Variants in TTN observed in about 807,000 individuals in gnomAD.
TTN encodes connectin.
A neutral mutation model predicts 3,223.0 loss-of-function variants in TTN; 1,525 were observed. The ratio of observed to expected loss-of-function variants is 0.47; its 90% CI spans 0.45 to 0.49. TTN has a LOEUF of 0.49. Among genes scored for constraint, TTN ranks in the 20% least tolerant of loss-of-function variants. The pLI is 0.00. For synonymous variants in TTN, 14,094 were observed against 15,161.0 expected (o/e 0.93, Z 5.17); for missense variants, 40,786 against 43,424.0 (o/e 0.94, Z 5.40).
chr2:178,527,869 T>C, intron 361 of TTN, 121 bp from the exon 362 acceptor site: 1 of 952,970 alleles, frequency 1.0e-6, no homozygotes, highest in Non-Finnish European at 1.5e-6. Flanking sequence ...CCAAACAATT[T>C]GCTGTTGAAG....
rs2083953228 is a variant in TTN at position 178,747,339 on chromosome 2, C to T, written c.11312-5418G>A. ...GAATATCTTTCAACTGTCTCACCTC[C>T]TGAATGTATTGAGGATTGTTTAGTT... On this transcript the variant is annotated intron_variant, in intron 47 of 362. Transcript: ENST00000589042. 2.5e-6 allele frequency: 4 copies of T among 1,613,180 alleles called. No homozygotes were observed. In the African/African-American group the frequency reaches 5.3e-5, roughly 22 times the overall value.
At position 178,564,193 on chromosome 2, in the gene TTN, T is replaced by A; in HGVS notation, c.81939A>T (p.Gly27313=). The A allele has an allele frequency of 1.2e-6, 2 of 1,613,736 alleles. No individual in the cohort carries two copies. The highest frequency in any genetic ancestry group is 1.7e-6 in the Non-Finnish European group (2 of 1,179,770). ...PIPDVVWSKD[G]KELEETAARM... ...TAGCAGCTGTTTCTTCAAGTTCTTT[T>A]CCATCTTTTGACCAAACAACATCAG... Residue 27313 remains glycine, a synonymous_variant, in exon 326 of 363, where the codon GGA becomes GGT. Coordinates refer to ENST00000589042, the MANE Select transcript of TTN (RefSeq NM_001267550.2).
Position 178,565,360 on chromosome 2 carries a change from T to C in TTN, c.80772A>G (p.Thr26924=). The C allele has an allele frequency of 6.2e-7, 1 of 1,613,636 alleles. No individual in the cohort carries two copies. The highest frequency in any genetic ancestry group is 8.5e-7 in the Non-Finnish European group (1 of 1,179,662). ...VKDGEPLKQT[T]RVNVEETATS... ...TAGCTGTTTCTTCAACGTTTACTCT[T>C]GTTGTCTGTTTAAGAGGCTCACCAT... The change falls in exon 326 of 363, where the codon ACA becomes ACG. Residue 26924 remains threonine, a synonymous_variant. Coordinates refer to ENST00000589042, the MANE Select transcript of TTN (RefSeq NM_001267550.2).
chr2:178,576,744 C>T lies in TTN; in HGVS notation c.69500G>A (p.Gly23167Asp). 6.2e-7 allele frequency: 1 copy of T among 1,613,528 alleles called. No individual in the cohort carries two copies. ...ATGATATCCTGTAATTTCGCTGCCA[C>T]CATCATCCACTGGCCTTTTCCAGCT... is the stretch of plus-strand genomic sequence containing the variant. ...TVSWKRPVDD[G>D]GSEITGYHVE... The change falls in exon 325 of 363, where the codon GGT (glycine) becomes GAT (aspartate). Residue 23167 changes from glycine (G) to aspartate (D), a missense_variant. Transcript: ENST00000589042. The surrounding 1 kb of genome is among the most constrained non-coding windows in gnomAD (Gnocchi z 4.3).
chr2:178,595,480 A>T, intron 295 of TTN, 27 bp downstream of exon 295: 1 of 1,520,212 alleles, frequency 6.6e-7, no homozygotes, highest in Admixed American at 2.0e-5. Flanking sequence ...GAAGTGATTA[A>T]GTATACATTT....
At chr2:178,558,747 T>A in intron 326 of TTN, 110 bp from the exon 327 acceptor site, 1 of 1,226,394 alleles carries the variant, frequency 8.2e-7, no homozygotes, top group Non-Finnish European at 1.1e-6. Flanking sequence ...CATATTTTTA[T>A]GTTGATTTTA....
In TTN at chr2:178,563,478, C is replaced by T. The variant is rs368730078; in HGVS notation, c.82654G>A (p.Val27552Met). 3.7e-6 allele frequency: 6 copies of T among 1,613,586 alleles called. No homozygotes were observed. In the East Asian group the frequency reaches 6.7e-5, roughly 18 times the overall value. The change falls in exon 326 of 363, where the codon GTG (valine) becomes ATG (methionine). Residue 27552 changes from valine to methionine, a missense_variant. By Grantham distance (21) the Val-to-Met change is conservative. Coordinates refer to ENST00000589042, the MANE Select transcript of TTN (RefSeq NM_001267550.2). The surrounding 1 kb of genome is among the most constrained non-coding windows in gnomAD (Gnocchi z 4.5). ...ACAGATGGCTCACTAGGTTCTCCCA[C>T]ACCAGCTGCATTTTCAGCAGCAACT... is the stretch of plus-strand genomic sequence containing the variant. ...FRVAAENAAG[V>M]GEPSEPSVFY...
rs113527853 is a variant in TTN at position 178,560,269 on chromosome 2, A to G, written c.85863T>C (p.Tyr28621=). ...KSTGLREGCE[Y]EYRVYAENAA... is the part of the protein sequence containing the mutation. Reference sequence around the variant, plus strand: ...CATTTTCTGCATAAACACGATATTCATATTCACATCCTTCCCGAAGTCCTG... The same window carrying G: ...CATTTTCTGCATAAACACGATATTCGTATTCACATCCTTCCCGAAGTCCTG... The change falls in exon 326 of 363, where the codon TAT becomes TAC. Residue 28621 remains tyrosine, a synonymous_variant. Transcript: ENST00000589042. The G allele has an allele frequency of 2.8e-5, 45 of 1,613,678 alleles. 1 individual carries two copies. The South Asian group carries it at 4.1e-4, about 15-fold the overall frequency.
At position 178,802,309 on chromosome 2, in the gene TTN, C is replaced by T. The variant is rs759317260; in HGVS notation, c.124G>A (p.Asp42Asn). ...GTGGAAGTGGAAATCACCTGGCCATCCCTAAACCAGCTCACCTCAGGAACT... is the reference window on the plus strand; with the variant it reads ...GTGGAAGTGGAAATCACCTGGCCATTCCTAAACCAGCTCACCTCAGGAACT... Reference protein sequence around the residue: ...FPVPEVSWFRDGQVISTSTLP... With the variant: ...FPVPEVSWFRNGQVISTSTLP... Residue 42 changes from aspartate to asparagine, a missense_variant, in exon 3 of 363, where the codon GAT (aspartate) becomes AAT (asparagine). Physicochemically the swap from Asp to Asn is conservative, Grantham distance 23. Transcript: ENST00000589042. 3 of 1,614,000 alleles carry T rather than the reference C, an allele frequency of 1.9e-6. No homozygotes were observed. The highest frequency in any genetic ancestry group is 2.2e-5 in the South Asian group (2 of 91,086).
At chr2:178,598,484 C>T (rs769475147) in intron 292 of TTN, 22 bp downstream of exon 292, 9 of 1,603,626 alleles carry the variant, frequency 5.6e-6, no homozygotes, top group South Asian at 1.1e-5. Flanking sequence ...TAGTGCATTT[C>T]CTTAGTGCCA....
At chr2:178,650,966 A>T (rs530901169) in intron 208 of TTN, 132 bp from the exon 209 acceptor site, 6 of 1,003,396 alleles carry the variant, frequency 6.0e-6, no homozygotes, top group East Asian at 5.2e-5. Context: ...AAGGTCAGTG[A>T]TCTGTCTTTG....
chr2:178,802,250 G>A lies in TTN; in HGVS notation c.183C>T (p.Gly61=). 3 of 1,614,094 alleles carry A rather than the reference G, an allele frequency of 1.9e-6. No individual in the cohort carries two copies. The highest frequency in any genetic ancestry group is 2.5e-6 in the Non-Finnish European group (3 of 1,180,010). The part of the protein sequence containing the change: ...LPGVQISFSD[G]RAKLTIPAVT... Reference sequence around the variant, plus strand: ...CGGCGGGGATCGTCAGTTTAGCGCGGCCATCGCTAAAGGAGATCTGCACGC... The same window carrying A: ...CGGCGGGGATCGTCAGTTTAGCGCGACCATCGCTAAAGGAGATCTGCACGC... Residue 61 remains glycine, a synonymous_variant, in exon 3 of 363, where the codon GGC becomes GGT. Coordinates refer to ENST00000589042, the MANE Select transcript of TTN (RefSeq NM_001267550.2).
At chr2:178,657,269 TG>T (rs1415747019) in intron 189 of TTN, among the ~76,000 whole-genome samples, 1 of 17,590 alleles carries the variant, frequency 5.7e-5, no homozygotes, top group Admixed American at 7.9e-4. Flanking sequence ...TGTTGTGAGG[TG>T]GGGGGATGGG....
In TTN at chr2:178,539,386, T is replaced by C. The variant is rs747868479; in HGVS notation, c.98679A>G (p.Pro32893=). 3 of 1,610,264 alleles carry C rather than the reference T, an allele frequency of 1.9e-6. No individual in the cohort carries two copies. Among genetic ancestry groups the C allele is most frequent in the South Asian group, 2.2e-5 (2 of 91,002 alleles). Residue 32893 remains proline (P), a synonymous_variant, in exon 352 of 363, where the codon CCA becomes CCG. Coordinates refer to ENST00000589042, the MANE Select transcript of TTN (RefSeq NM_001267550.2). ...KSEEPVTPKT[P]LNPPEPPSNP... is the part of the protein sequence containing the mutation. ...TGTGGTTGAAAGGGCACTTACTCAA[T>C]GGTGTTTTTGGTGTGACTGGTTCCT...
In TTN at chr2:178,756,225, C is replaced by A; in HGVS notation, c.11251G>T (p.Gly3751Cys). ...RTTSAVLSVE[G>C]APESILHERI... ...TCATAGCTAAAAATCAATTAACCAC[C>A]TTCTACACTTAGTACTGCTGACGTT... Residue 3751 changes from glycine (G) to cysteine (C), a missense_variant, in exon 46 of 363, where the codon GGT becomes TGT. Transcript: ENST00000589042. The A allele has an allele frequency of 6.2e-7, 1 of 1,601,976 alleles. No homozygotes were observed. The highest frequency in any genetic ancestry group is 8.5e-7 in the Non-Finnish European group (1 of 1,171,484).
Position 178,528,858 on chromosome 2 carries a change from A to G in TTN, c.106893T>C (p.Ala35631=). 1 of 1,614,022 alleles carries G rather than the reference A, an allele frequency of 6.2e-7. No individual in the cohort carries two copies. The highest frequency in any genetic ancestry group is 8.5e-7 in the Non-Finnish European group (1 of 1,179,886). The change falls in exon 360 of 363, where the codon GCT becomes GCC. Residue 35631 remains alanine (A), a synonymous_variant. Transcript: ENST00000589042. ...GTACCCATTTCACATCAGTGGCACC[A>G]GCAATGTTGGCTTTTAAAACCAGTC... ...GQRLVLKANI[A]GATDVKWVLN... is the part of the protein sequence containing the mutation.
At chr2:178,619,344 A>G (rs1170738736) in intron 250 of TTN, 3 of 493,112 alleles carry the variant, frequency 6.1e-6, no homozygotes, top group Non-Finnish European at 1.1e-5. Context: ...AGATTTGCCA[A>G]GACTCTCAGG....
chr2:178,806,272 CTGTTTA>C (rs748951768), intron 1 of TTN, among the ~76,000 whole-genome samples: 1 of 152,106 alleles, frequency 6.6e-6, no homozygotes, highest in Non-Finnish European at 1.5e-5. Flanking sequence ...CTAACTTTGT[CTGTTTA>C]TAAGTTAGTA....
At chr2:178,617,265 C>T (rs1553708613) in intron 254 of TTN, 31 bp from the exon 255 acceptor site, 2 of 1,538,616 alleles carry the variant, frequency 1.3e-6, no homozygotes, top group Non-Finnish European at 1.7e-6. Flanking sequence ...TTGTAAAAAA[C>T]ACATACAGTT....
Sources: allele counts gnomAD v4.1 joint callset (sites outside exome capture counted in the v4.1 genomes callset), GRCh38; gene constraint gnomAD v4.1.1; non-coding constraint Gnocchi (gnomAD v3.1); transcripts MANE v1.5; gene names NCBI Gene and HGNC (gene_info 2026-07-23, HGNC 2026-07-21).